The following PIGF variants were observed in gnomAD, a reference collection of about 807,000 sequenced individuals.
PIGF encodes phosphatidylinositol glycan anchor biosynthesis class F, also known as GPI ethanolamine phosphate transferase, stabilizing subunit.
Under a neutral mutation model 26.0 loss-of-function variants are expected in PIGF, and 23 were observed. The ratio of observed to expected loss-of-function variants is 0.88; its 90% confidence interval spans 0.64 to 1.25. The LOEUF is 1.25. Among genes scored for constraint, PIGF ranks in the 50% most tolerant of loss-of-function variants. The probability of loss-of-function intolerance (pLI) is 0.00; values close to 1 mark genes in which losing one functional copy is unlikely to be tolerated. For missense variants in PIGF, 278 were observed against 249.9 expected (o/e 1.11, Z -0.76); for synonymous variants, 93 against 92.6 (o/e 1.00, Z -0.03).
rs897331078 is a variant in PIGF at position 46,581,402 on chromosome 2, T to C, written c.*76A>G. On this transcript the variant is annotated 3_prime_UTR_variant, in exon 6 of 6. Coordinates refer to ENST00000281382, the MANE Select transcript of PIGF (RefSeq NM_002643.4). ...TAAAAAACAGAGCTGTAAATGGAAC[T>C]GCTTGGCTTTGACCATACACATTTC... 6.5e-7 allele frequency: 1 copy of C among 1,546,800 alleles called. No individual in the cohort carries two copies. Among genetic ancestry groups the C allele is most frequent in the African/African-American group, 1.4e-5 (1 of 72,892 alleles).
chr2:46,590,869 A>G (rs1337329310), intron 5 of PIGF, among the ~76,000 whole-genome samples: 2 of 152,194 alleles, frequency 1.3e-5, no homozygotes, highest in Non-Finnish European at 2.9e-5. Context: ...GGAAGGGCAA[A>G]CCTATCAGAC....
At chr2:46,606,677 A>G (rs1459524920) in intron 4 of PIGF, among the ~76,000 whole-genome samples, 1 of 152,202 alleles carries the variant, frequency 6.6e-6, no homozygotes, top group Non-Finnish European at 1.5e-5. Flanking sequence ...CACTTTACAG[A>G]GTTTGAACAC....
At chr2:46,591,700 A>G in intron 5 of PIGF, 2 of 1,083,828 alleles carry the variant, frequency 1.8e-6, no homozygotes, top group Admixed American at 4.3e-5. Flanking sequence ...ATATTAAGAT[A>G]AAGATACAGT....
intron 4 of PIGF, among the ~76,000 whole-genome samples, chr2:46,605,087 T>C (rs1308977394): frequency 6.6e-6 from 1 of 152,100 alleles, no homozygotes; most frequent in Non-Finnish European, 1.5e-5. Flanking sequence ...TAGTAATTCT[T>C]TGTGAATATT....
intron 4 of PIGF, among the ~76,000 whole-genome samples, chr2:46,594,168 T>C (rs1669809713): frequency 6.6e-6 from 1 of 152,204 alleles, no homozygotes; most frequent in South Asian, 2.1e-4. Flanking sequence ...GTAAAGGGAA[T>C]TGTACTATTT....
At chr2:46,613,501 C>T (rs1198808647) in intron 3 of PIGF, among the ~76,000 whole-genome samples, 193 bp downstream of exon 3, 1 of 152,040 alleles carries the variant, frequency 6.6e-6, no homozygotes, top group Non-Finnish European at 1.5e-5. Context: ...GGCTAGGTAA[C>T]AAGAGTATTT....
At chr2:46,610,526 CTTTTTTTTTTT>C (rs10690699) in intron 4 of PIGF, among the ~76,000 whole-genome samples, 7 of 110,314 alleles carry the variant, frequency 6.3e-5, no homozygotes, top group East Asian at 4.7e-4. Flanking sequence ...GTACTGATTC[CTTTTTTTTTTT>C]TTTTTTTTTT....
At chr2:46,595,129 C>A (rs1486748578) in intron 4 of PIGF, among the ~76,000 whole-genome samples, 2 of 152,074 alleles carry the variant, frequency 1.3e-5, no homozygotes, top group African/African-American at 2.4e-5. Context: ...TCCTTTCTAG[C>A]CATACAATTC....
intron 4 of PIGF, among the ~76,000 whole-genome samples, chr2:46,602,781 A>G (rs1268358985): frequency 4.6e-5 from 7 of 151,954 alleles, no homozygotes; most frequent in Non-Finnish European, 1.0e-4. Flanking sequence ...AAAAGCATGT[A>G]CTATTCATGT....
intron 4 of PIGF, among the ~76,000 whole-genome samples, chr2:46,603,051 A>G (rs1249694210): frequency 6.6e-6 from 1 of 152,064 alleles, no homozygotes; most frequent in African/African-American, 2.4e-5. Context: ...AATCAGTAGC[A>G]TTTCTATATG....
Position 46,615,017 on chromosome 2 carries a change from A to C in PIGF, c.148T>G (p.Phe50Val). ...AGTACTAGATTGACAGCAGTTACAAAACCAGAACAGATGCACAACCATGTC... is the reference window on the plus strand; with the variant it reads ...AGTACTAGATTGACAGCAGTTACAACACCAGAACAGATGCACAACCATGTC... ...HLTWLCICSG[F>V]VTAVNLVLYL... Residue 50 changes from phenylalanine (F) to valine (V), a missense_variant, in exon 2 of 6, where the codon TTT becomes GTT. By Grantham distance (50) the Phe-to-Val change is conservative. Transcript: ENST00000281382. The C allele has an allele frequency of 6.2e-7, 1 of 1,609,734 alleles. No homozygotes were observed. Among genetic ancestry groups the C allele is most frequent in the Non-Finnish European group, 8.5e-7 (1 of 1,176,072 alleles).
At chr2:46,614,824 G>A (rs1444952322) in intron 2 of PIGF, 113 bp downstream of exon 2, 7 of 602,530 alleles carry the variant, frequency 1.2e-5, no homozygotes, top group Admixed American at 6.5e-5. Flanking sequence ...AAAATATCAG[G>A]TTCCCTTTGC....
At chr2:46,590,801 G>A (rs1235270542) in intron 5 of PIGF, among the ~76,000 whole-genome samples, 1 of 152,142 alleles carries the variant, frequency 6.6e-6, no homozygotes, top group South Asian at 2.1e-4. Context: ...AATCTGTGAC[G>A]ATACACACAC....
At chr2:46,611,741 T>G (rs1670426442) in intron 4 of PIGF, among the ~76,000 whole-genome samples, 1 of 152,082 alleles carries the variant, frequency 6.6e-6, no homozygotes, top group Non-Finnish European at 1.5e-5. Flanking sequence ...AAATGAAATC[T>G]CATAAAACTT....
chr2:46,594,780 G>A (rs1476474499), intron 4 of PIGF, among the ~76,000 whole-genome samples: 4 of 150,478 alleles, frequency 2.7e-5, no homozygotes, highest in Non-Finnish European at 4.4e-5. Flanking sequence ...GTGATCCGCC[G>A]GCCTCAGCCT....
intron 5 of PIGF, among the ~76,000 whole-genome samples, chr2:46,587,432 T>C (rs1410690288): frequency 7.0e-6 from 1 of 142,930 alleles, no homozygotes; most frequent in Non-Finnish European, 1.5e-5. Context: ...TCTAACGTGG[T>C]AAAACTGAAA....
In PIGF at chr2:46,592,030, T is replaced by A. The variant is rs534558905; in HGVS notation, c.546+445A>T. ...AATATCAAAGTTGAAAATAGGAAAT[T>A]TCTGCAGCTATTAACCTAGTTTTTA... is the stretch of plus-strand genomic sequence containing the variant. On this transcript the variant is annotated intron_variant, in intron 5 of 5. Transcript: ENST00000281382. The A allele has an allele frequency of 3.9e-5, 48 of 1,216,224 alleles. No homozygotes were observed. The South Asian group carries it at 6.0e-4, about 15-fold the overall frequency. The allele number at this position is 1,216,224 out of a possible 1,614,324, so 75.3% of individuals were successfully genotyped here. A position where few individuals can be genotyped will look rare whatever the true frequency, so the allele number is the denominator to read the frequency against.
chr2:46,581,892 A>G (rs1255623371), intron 5 of PIGF: 1 of 255,440 alleles, frequency 3.9e-6, no homozygotes, highest in Non-Finnish European at 7.6e-6. Flanking sequence ...CCATAATGAT[A>G]GACTCAATTT....
intron 4 of PIGF, among the ~76,000 whole-genome samples, chr2:46,600,610 G>T (rs1014073997): frequency 4.6e-5 from 7 of 152,090 alleles, no homozygotes; most frequent in African/African-American, 1.7e-4. Context: ...TCAAGGAAGA[G>T]AAACTGCTGC....
Sources: allele counts gnomAD v4.1 joint callset (sites outside exome capture counted in the v4.1 genomes callset), GRCh38; gene constraint gnomAD v4.1.1; transcripts MANE v1.5; gene names NCBI Gene and HGNC (gene_info 2026-07-23, HGNC 2026-07-21).